Variants in MAP7D2 observed in about 807,000 individuals in gnomAD.
The protein encoded by MAP7D2 is MAP7 domain containing 2, also known as MAP7 domain-containing protein 2.
MAP7D2 carries 33 observed loss-of-function variants against 63.5 expected under a neutral mutation model. The ratio of observed to expected loss-of-function variants is 0.52; its 90% CI spans 0.39 to 0.70. The LOEUF (loss-of-function observed/expected upper bound fraction) is 0.70. MAP7D2 is among the 30% of genes least tolerant of loss of function. MAP7D2 has a pLI of 0.00. For missense variants in MAP7D2, 626 were observed against 604.0 expected (o/e 1.04, Z -0.38); for synonymous variants, 224 against 223.7 (o/e 1.00, Z -0.01).
At chrX:20,082,819 G>A (rs762492718) in intron 1 of MAP7D2, among the ~76,000 whole-genome samples, 12 of 111,338 alleles carry the variant, frequency 1.1e-4, no homozygotes, top group Non-Finnish European at 1.9e-4. Flanking sequence ...TAGTAGAGAC[G>A]GGGTTTCATT....
intron 3 of MAP7D2, among the ~76,000 whole-genome samples, chrX:20,060,111 C>T (rs1217085477): frequency 1.8e-5 from 2 of 110,006 alleles, no homozygotes; most frequent in South Asian, 7.8e-4. Flanking sequence ...CCTCCACCTC[C>T]TAGGTTCAAG....
chrX:20,026,877 A>G lies in MAP7D2; in HGVS notation c.1008-925T>C, dbSNP rs1180006079. Among the ~76,000 whole-genome samples the G allele has an allele frequency of 2.7e-5, 3 of 112,133 alleles. No individual in the cohort carries two copies. The East Asian group carries it at 8.3e-4, about 31-fold the overall frequency. ...TGTACAGAGTTCCTCTAGGAAGGAT[A>G]TAAAGTAATGTATACAGAAATTACA... On this transcript the variant is annotated intron_variant, in intron 8 of 16. Coordinates refer to ENST00000379643, the MANE Select transcript of MAP7D2 (RefSeq NM_001168465.2).
intron 1 of MAP7D2, among the ~76,000 whole-genome samples, chrX:20,087,440 C>A (rs1167889651): frequency 8.9e-6 from 1 of 111,945 alleles, no homozygotes. Context: ...ACTCCCCTTC[C>A]CCTTCCACCA....
intron 10 of MAP7D2, among the ~76,000 whole-genome samples, chrX:20,022,112 C>T (rs924436912): frequency 9.0e-6 from 1 of 111,503 alleles, no homozygotes; most frequent in African/African-American, 3.3e-5. Context: ...GGCACAGGGC[C>T]AGAAAAGGTA....
chrX:20,086,721 A>G (rs1041735781), intron 1 of MAP7D2, among the ~76,000 whole-genome samples: 1 of 111,858 alleles, frequency 8.9e-6, no homozygotes, highest in Non-Finnish European at 1.9e-5. Flanking sequence ...AATAATGATG[A>G]TGATAATAAT....
At chrX:20,077,142 G>A (rs947340833) in intron 1 of MAP7D2, among the ~76,000 whole-genome samples, 3 of 111,875 alleles carry the variant, frequency 2.7e-5, no homozygotes, top group Non-Finnish European at 5.6e-5. Flanking sequence ...CTCTACACAC[G>A]GTTATCAGAA....
intron 1 of MAP7D2, among the ~76,000 whole-genome samples, chrX:20,108,490 C>A (rs2066634160): frequency 9.1e-6 from 1 of 110,389 alleles, no homozygotes; most frequent in African/African-American, 3.3e-5. Flanking sequence ...CTGCCTTAGC[C>A]TCCCAAAGTG....
chrX:20,019,517 T>A (rs2148154989), intron 10 of MAP7D2, among the ~76,000 whole-genome samples: 1 of 112,102 alleles, frequency 8.9e-6, no homozygotes, highest in Admixed American at 9.4e-5. Flanking sequence ...GGCTCCTGTC[T>A]GTTGGAAACT....
intron 1 of MAP7D2, among the ~76,000 whole-genome samples, chrX:20,104,177 T>C (rs1603408200): frequency 8.9e-6 from 1 of 112,280 alleles, no homozygotes; most frequent in African/African-American, 3.2e-5. Context: ...AGAAAAAAAT[T>C]TGTGACTGGC....
chrX:20,020,815 G>A, intron 10 of MAP7D2, among the ~76,000 whole-genome samples: 1 of 111,851 alleles, frequency 8.9e-6, no homozygotes. Flanking sequence ...CTGCCTACGT[G>A]ACCTTGCTCG....
intron 8 of MAP7D2, among the ~76,000 whole-genome samples, chrX:20,041,038 A>G (rs971550095): frequency 1.8e-5 from 2 of 112,069 alleles, no homozygotes; most frequent in Non-Finnish European, 3.8e-5. Flanking sequence ...TACCATTTAC[A>G]ATAATAATGA....
chrX:20,105,274 C>T (rs1603408782), intron 1 of MAP7D2, among the ~76,000 whole-genome samples: 1 of 111,328 alleles, frequency 9.0e-6, no homozygotes, highest in South Asian at 3.8e-4. Context: ...CTGAAAAGGA[C>T]GTTAATCCCA....
intron 1 of MAP7D2, among the ~76,000 whole-genome samples, chrX:20,094,788 G>T (rs1349492712): frequency 9.7e-6 from 1 of 103,361 alleles, no homozygotes; most frequent in Non-Finnish European, 2.0e-5. Flanking sequence ...TGTTGGCCAG[G>T]CTGGTCTCAA....
rs1271514857 is a variant in MAP7D2, at chrX:20,116,797, G to C, written c.83C>G (p.Ala28Gly). The C allele has an allele frequency of 1.2e-5, 14 of 1,192,258 alleles. No individual in the cohort carries two copies. Among genetic ancestry groups the C allele is most frequent in the Non-Finnish European group, 1.6e-5 (14 of 887,003 alleles). Residue 28 changes from alanine to glycine, a missense_variant, in exon 1 of 17, where the codon GCA becomes GGA. Physicochemically the swap from Ala to Gly is moderately conservative, Grantham distance 60 (BLOSUM62 0). Transcript: ENST00000379643. ...AGAGGTCCGCACCGCGCCCGGTTCT[G>C]CGATCTTCCCTGGGAGAGAGGTTCC... ...ARGTSLPGKI[A>G]EPGAVRTSQP... is the part of the protein sequence containing the mutation.
chrX:20,066,607 G>C (rs1569107368), intron 1 of MAP7D2, among the ~76,000 whole-genome samples: 3 of 111,608 alleles, frequency 2.7e-5, no homozygotes. Context: ...CAACTCCTCA[G>C]CTCATTCCAG....
At chrX:20,020,588 T>C (rs2073601662) in intron 10 of MAP7D2, among the ~76,000 whole-genome samples, 1 of 111,768 alleles carries the variant, frequency 8.9e-6, no homozygotes, top group African/African-American at 3.3e-5. Flanking sequence ...TGCATGACCC[T>C]GGCTCTCTCC....
At chrX:20,115,873 C>G (rs1447195629) in intron 1 of MAP7D2, among the ~76,000 whole-genome samples, 5 of 112,464 alleles carry the variant, frequency 4.4e-5, no homozygotes, top group Non-Finnish European at 9.4e-5. Context: ...AATAGCCTGC[C>G]TTATTAACTA....
intron 10 of MAP7D2, among the ~76,000 whole-genome samples, chrX:20,024,370 G>T (rs2073765408): frequency 9.0e-6 from 1 of 111,571 alleles, no homozygotes; most frequent in African/African-American, 3.3e-5. Context: ...GCTCTTCAAG[G>T]TGTAGGGACC....
intron 1 of MAP7D2, among the ~76,000 whole-genome samples, chrX:20,083,557 G>T (rs188805975): frequency 8.9e-6 from 1 of 112,508 alleles, no homozygotes; most frequent in African/African-American, 3.2e-5. Flanking sequence ...GCAATATGCT[G>T]TTGCTATTTA....
Sources: gnomAD v4.1 joint callset for allele counts (sites outside exome capture counted in the v4.1 genomes callset) on GRCh38, gnomAD v4.1.1 for gene constraint, MANE v1.5 for transcripts, NCBI Gene and HGNC (gene_info 2026-07-23, HGNC 2026-07-21) for gene names.